RTN4: variants seen among roughly 807,000 people sequenced by gnomAD.
RTN4 encodes reticulon 4, also known as reticulon-4.
In RTN4, 32 loss-of-function variants were observed where a neutral mutation model predicts 90.4. That is an observed-to-expected ratio of 0.35 (90% CI 0.27 to 0.48). RTN4 has a LOEUF of 0.48. Ranked by LOEUF, RTN4 falls within the 20% of genes least tolerant of loss-of-function variation. RTN4 has a pLI of 0.99. For synonymous variants in RTN4, 629 were observed against 552.5 expected (o/e 1.14, Z -1.94); for missense variants, 1,706 against 1,430.2 (o/e 1.19, Z -3.11).
At chr2:55,079,429 G>C (rs1463676246) in intron 2 of RTN4, among the ~76,000 whole-genome samples, 3 of 152,134 alleles carry the variant, frequency 2.0e-5, no homozygotes, top group Admixed American at 6.5e-5. Context: ...AAGTAACTTA[G>C]AAGAGTAAAG....
intron 2 of RTN4, among the ~76,000 whole-genome samples, chr2:55,057,062 A>G (rs1668203077): frequency 6.6e-6 from 1 of 152,112 alleles, no homozygotes; most frequent in Admixed American, 6.6e-5. Context: ...ACAAAACATA[A>G]TTTTTCAATG....
At chr2:55,040,461 T>C (rs1412938086) in intron 1 of RTN4, among the ~76,000 whole-genome samples, 2 of 152,102 alleles carry the variant, frequency 1.3e-5, no homozygotes, top group Non-Finnish European at 2.9e-5. Context: ...TTAGGTCACC[T>C]CCATCTACGG....
intron 3 of RTN4, among the ~76,000 whole-genome samples, chr2:55,021,466 CTTT>C (rs3214741): frequency 7.1e-6 from 1 of 140,770 alleles, no homozygotes; most frequent in Non-Finnish European, 1.5e-5. Context: ...TGCTTTTACA[CTTT>C]TTTTTTTTTT....
intron 2 of RTN4, among the ~76,000 whole-genome samples, chr2:55,060,407 AGTGC>A (rs1668268702): frequency 6.6e-6 from 1 of 152,196 alleles, no homozygotes; most frequent in African/African-American, 2.4e-5. Flanking sequence ...CCTATTTTTA[AGTGC>A]AGTGATCTCT....
At position 54,972,527 on chromosome 2, in the gene RTN4, C is replaced by A. The variant is rs1483502608; in HGVS notation, c.*629G>T. The A allele has an allele frequency of 6.6e-6, 1 of 152,596 alleles. No individual in the cohort carries two copies. The highest frequency in any genetic ancestry group is 1.5e-5 in the Non-Finnish European group (1 of 68,034). 9.5% of individuals were successfully genotyped at this position (152,596 alleles called of 1,614,324 possible). Reference sequence around the variant, plus strand: ...GTGCTTTGGAACTACACATGTATAACCAATGACTGACTCTGAAATATCAAG... The same window carrying A: ...GTGCTTTGGAACTACACATGTATAAACAATGACTGACTCTGAAATATCAAG... On this transcript the variant is annotated 3_prime_UTR_variant, in exon 9 of 9. Coordinates refer to ENST00000337526, the MANE Select transcript of RTN4 (RefSeq NM_020532.5).
chr2:55,130,173 TAGAA>T, the RTN4 span, among the ~76,000 whole-genome samples: 1 of 152,226 alleles, frequency 6.6e-6, no homozygotes, highest in African/African-American at 2.4e-5. Context: ...ATGCAGCAAT[TAGAA>T]AGACTACGTT....
intron 5 of RTN4, among the ~76,000 whole-genome samples, chr2:54,976,677 G>A (rs962088633): frequency 1.3e-5 from 2 of 152,186 alleles, no homozygotes; most frequent in African/African-American, 4.8e-5. Flanking sequence ...AGGAGAGAAA[G>A]GGGTGGCAGC....
chr2:55,010,399 C>T (rs2104789493), intron 3 of RTN4: 1 of 1,232,582 alleles, frequency 8.1e-7, no homozygotes, highest in East Asian at 3.2e-5. Flanking sequence ...TGCCTTGTTG[C>T]TCATACCAAA....
chr2:55,036,115 G>A (rs779324121), intron 1 of RTN4, among the ~76,000 whole-genome samples: 3 of 152,098 alleles, frequency 2.0e-5, no homozygotes, highest in Non-Finnish European at 4.4e-5. Flanking sequence ...ATAGATTTAT[G>A]CATTAATACC....
intron 4 of RTN4, 37 bp from the exon 5 acceptor site, chr2:54,982,690 G>A (rs1678239819): frequency 6.4e-7 from 1 of 1,565,622 alleles, no homozygotes; most frequent in South Asian, 1.2e-5. Context: ...TCACTAATTG[G>A]AGTGATTTTC....
chr2:54,974,915 C>G lies in RTN4; in HGVS notation c.3361-151G>C, dbSNP rs544441599. The stretch of plus-strand genomic sequence containing the variant: ...TACCATGAGCAGTTCACTATTAAGT[C>G]ACGAGTCTCAATTATGAATTTCAAA... On this transcript the variant is annotated intron_variant, in intron 5 of 8. Transcript: ENST00000337526. 6.5e-6 allele frequency: 4 copies of G among 618,654 alleles called. No individual in the cohort carries two copies. In the African/African-American group the frequency reaches 7.5e-5, roughly 12 times the overall value. The allele number at this position is 618,654 out of a possible 1,614,324, so 38.3% of individuals were successfully genotyped here.
chr2:55,128,812 G>A, the RTN4 span, among the ~76,000 whole-genome samples: 1 of 151,814 alleles, frequency 6.6e-6, no homozygotes, highest in African/African-American at 2.4e-5. Flanking sequence ...AAAAAAAAAG[G>A]GGTGGGAGAG....
intron 3 of RTN4, among the ~76,000 whole-genome samples, chr2:55,024,568 T>C (rs1443072242): frequency 1.3e-5 from 2 of 152,166 alleles, no homozygotes; most frequent in Non-Finnish European, 2.9e-5. Context: ...GAATTCATAA[T>C]AGCATAACTC....
intron 1 of RTN4, among the ~76,000 whole-genome samples, chr2:55,104,559 G>A (rs922655940): frequency 1.4e-4 from 21 of 150,430 alleles, no homozygotes; most frequent in African/African-American, 5.2e-4. Flanking sequence ...CCATGTTGAC[G>A]AAGCTGGTCT....
intron 2 of RTN4, among the ~76,000 whole-genome samples, chr2:55,067,486 C>T (rs1668416214): frequency 6.6e-6 from 1 of 151,350 alleles, no homozygotes; most frequent in Non-Finnish European, 1.5e-5. Context: ...GATCTCAGCT[C>T]ACTACCACCT....
At chr2:54,973,278 G>A in intron 8 of RTN4, 80 bp from the exon 9 acceptor site, 3 of 1,219,016 alleles carry the variant, frequency 2.5e-6, no homozygotes, top group Non-Finnish European at 3.6e-6. Context: ...CTACTTGTAT[G>A]TTATTCAGCT....
chr2:54,977,380 G>C (rs1298998332), intron 5 of RTN4, among the ~76,000 whole-genome samples: 1 of 149,456 alleles, frequency 6.7e-6, no homozygotes, highest in Non-Finnish European at 1.5e-5. Context: ...TGTTCTTCTG[G>C]GTCAGCTATT....
At chr2:55,087,099 T>C (rs1668855224) in intron 1 of RTN4, among the ~76,000 whole-genome samples, 1 of 152,246 alleles carries the variant, frequency 6.6e-6, no homozygotes, top group South Asian at 2.1e-4. Context: ...TATTGTATAA[T>C]GTACCACAAT....
intron 3 of RTN4, among the ~76,000 whole-genome samples, chr2:55,019,340 G>A (rs1034820679): frequency 3.3e-5 from 5 of 152,148 alleles, no homozygotes; most frequent in African/African-American, 1.2e-4. Context: ...TTACTAAATT[G>A]GAGGGGCGAA....
Sources: allele counts gnomAD v4.1 joint callset (sites outside exome capture counted in the v4.1 genomes callset), GRCh38; gene constraint gnomAD v4.1.1; transcripts MANE v1.5; gene names NCBI Gene and HGNC (gene_info 2026-07-23, HGNC 2026-07-21).